Variants in SMAD3 observed in about 807,000 individuals in gnomAD.
The protein encoded by SMAD3 is MAD homolog 3.
A neutral mutation model predicts 51.8 loss-of-function variants in SMAD3; 12 were observed. That is an observed-to-expected ratio of 0.23 (90% CI 0.15 to 0.38). The LOEUF (loss-of-function observed/expected upper bound fraction) is 0.38. Ranked by LOEUF, SMAD3 falls within the 10% of genes least tolerant of loss-of-function variation. SMAD3 has a pLI of 1.00. For synonymous variants in SMAD3, 238 were observed against 227.7 expected (o/e 1.05, Z -0.41); for missense variants, 294 against 565.6 (o/e 0.52, Z 4.87).
At chr15:67,086,739 G>A (rs917209397) in intron 1 of SMAD3, among the ~76,000 whole-genome samples, 15 of 152,198 alleles carry the variant, frequency 9.9e-5, no homozygotes, top group Admixed American at 2.0e-4. Context: ...ATAGTGTCAC[G>A]TGATAGCAGT....
At chr15:67,100,518 C>T (rs1960729016) in intron 1 of SMAD3, among the ~76,000 whole-genome samples, 1 of 151,734 alleles carries the variant, frequency 6.6e-6, no homozygotes, top group African/African-American at 2.4e-5. Context: ...TAGATTTTTG[C>T]TGCATGTATT....
At chr15:67,137,824 TG>T (rs937838870) in intron 1 of SMAD3, among the ~76,000 whole-genome samples, 43 of 152,336 alleles carry the variant, frequency 2.8e-4, no homozygotes, top group African/African-American at 1.0e-3. Flanking sequence ...CAAAATGTCT[TG>T]GTGCTTTCTT....
intron 1 of SMAD3, among the ~76,000 whole-genome samples, chr15:67,113,216 A>G (rs1961061181): frequency 8.0e-6 from 1 of 125,552 alleles, no homozygotes; most frequent in Non-Finnish European, 1.6e-5. Context: ...CCTCCCGAGT[A>G]GCTGGGACTA....
chr15:67,161,224 C>T lies in SMAD3; in HGVS notation c.207-3671C>T, dbSNP rs1364226761. On this transcript the variant is annotated intron_variant, in intron 1 of 8. Transcript: ENST00000327367. Reference sequence around the variant, plus strand: ...ATTGTCTTTGGACCTTTGTTGAAGCCAGTCGTCCATATATATGTAACTATT... The same window carrying T: ...ATTGTCTTTGGACCTTTGTTGAAGCTAGTCGTCCATATATATGTAACTATT... Among the ~76,000 whole-genome samples the T allele has an allele frequency of 3.9e-5, 6 of 152,164 alleles. 1 individual carries two copies. The East Asian group carries it at 1.2e-3, about 29-fold the overall frequency.
chr15:67,151,322 T>TTTTA (rs143155300), intron 1 of SMAD3, among the ~76,000 whole-genome samples: 45,854 of 149,574 alleles, frequency 0.31, 7,327 homozygotes, highest in African/African-American at 0.39. Flanking sequence ...CCATTTTCCC[T>TTTTA]TTTATTTATT....
At chr15:67,181,527 AAC>A (rs1173911681) in intron 6 of SMAD3, 74 bp downstream of exon 6, 12 of 1,176,026 alleles carry the variant, frequency 1.0e-5, no homozygotes, top group African/African-American at 3.7e-5. Flanking sequence ...CCCAGGCCTG[AAC>A]ACACAGCCTC....
At chr15:67,120,785 G>A (rs892474067) in intron 1 of SMAD3, among the ~76,000 whole-genome samples, 3 of 152,216 alleles carry the variant, frequency 2.0e-5, no homozygotes, top group South Asian at 2.1e-4. Context: ...CCCGTGGGCC[G>A]CATGTAGCCC....
At chr15:67,120,300 G>T (rs115471083) in intron 1 of SMAD3, among the ~76,000 whole-genome samples, 1 of 152,216 alleles carries the variant, frequency 6.6e-6, no homozygotes, top group Non-Finnish European at 1.5e-5. Context: ...ATAAGAGCCT[G>T]TGGCAGCTCA....
intron 1 of SMAD3, among the ~76,000 whole-genome samples, chr15:67,112,584 A>G (rs1444256578): frequency 1.5e-5 from 2 of 133,428 alleles, no homozygotes; most frequent in Non-Finnish European, 3.1e-5. Context: ...ATTTCTTTCA[A>G]TTCTGTGGGT....
intron 1 of SMAD3, chr15:67,137,867 T>A: frequency 1.7e-6 from 1 of 598,874 alleles, no homozygotes. Flanking sequence ...CAAAGTACTG[T>A]CCTCCCTTTG....
chr15:67,148,478 C>T (rs1962038845), intron 1 of SMAD3, among the ~76,000 whole-genome samples: 1 of 152,232 alleles, frequency 6.6e-6, no homozygotes, highest in African/African-American at 2.4e-5. Flanking sequence ...TGCCTACAAC[C>T]TTAGCCACAG....
chr15:67,190,452 G>T lies in SMAD3; in HGVS notation c.1194G>T (p.Leu398=), dbSNP rs539999192. Residue 398 remains leucine, a synonymous_variant, in exon 9 of 9, where the codon CTG becomes CTT. Coordinates refer to ENST00000327367, the MANE Select transcript of SMAD3 (RefSeq NM_005902.4). ...CCAGTACCCCCTGCTGGATTGAGCT[G>T]CACCTGAATGGGCCTTTGCAGTGGC... ...TVTSTPCWIE[L]HLNGPLQWLD... is the part of the protein sequence containing the mutation. The T allele has an allele frequency of 6.2e-7, 1 of 1,613,972 alleles. No homozygotes were observed. The highest frequency in any genetic ancestry group is 2.2e-5 in the East Asian group (1 of 44,860).
chr15:67,187,610 C>T (rs548144398), intron 8 of SMAD3, 101 bp downstream of exon 8: 30 of 1,449,826 alleles, frequency 2.1e-5, no homozygotes, highest in South Asian at 1.5e-4. Flanking sequence ...CCAGCCCTAG[C>T]GTCAAGAGCA....
At chr15:67,079,070 C>T (rs1037808002) in intron 1 of SMAD3, among the ~76,000 whole-genome samples, 3 of 151,898 alleles carry the variant, frequency 2.0e-5, no homozygotes, top group Admixed American at 6.6e-5. Flanking sequence ...CCTCTGCTTC[C>T]CGGATTCAGG....
intron 1 of SMAD3, among the ~76,000 whole-genome samples, chr15:67,107,965 T>TCCCCCCCCCCCCCCCCCCCCCC (rs138958033): frequency 1.6e-4 from 20 of 124,704 alleles, no homozygotes; most frequent in Admixed American, 9.1e-4. Context: ...TGCTCTCCTC[T>TCCCCCCCCCCCCCCCCCCCCCC]CCCCCCCACC....
chr15:67,194,529 T>C lies in SMAD3; in HGVS notation c.*3993T>C, dbSNP rs1963452807. 1 of 232,240 alleles carries C rather than the reference T, an allele frequency of 4.3e-6. No individual in the cohort carries two copies. Among genetic ancestry groups the C allele is most frequent in the Non-Finnish European group, 8.5e-6 (1 of 117,780 alleles). The allele number at this position is 232,240 out of a possible 1,614,324, so 14.4% of individuals were successfully genotyped here. ...TTTAATGCAGAAGTAATGTATACTC[T>C]AGTATTCTGGTGTTTTTATATTTAT... On this transcript the variant is annotated 3_prime_UTR_variant, in exon 9 of 9. Transcript: ENST00000327367.
At chr15:67,137,725 A>G (rs1213103726) in intron 1 of SMAD3, among the ~76,000 whole-genome samples, 2 of 152,168 alleles carry the variant, frequency 1.3e-5, no homozygotes, top group East Asian at 3.8e-4. Flanking sequence ...TTTGTTGATC[A>G]CCAGCTTTGT....
In SMAD3 at chr15:67,112,154, CTTT is replaced by C. The variant is rs753530213; in HGVS notation, c.206+45804_206+45806del. Among the ~76,000 whole-genome samples the C allele has an allele frequency of 4.4e-5, 4 of 90,410 alleles. No homozygotes were observed. The East Asian group carries it at 1.3e-3, about 30-fold the overall frequency. 59.3% of individuals were successfully genotyped at this position (90,410 alleles called of 152,430 possible). A position where few individuals can be genotyped will look rare whatever the true frequency, so the allele number is the denominator to read the frequency against. On this transcript the variant is annotated intron_variant, in intron 1 of 8. Coordinates refer to ENST00000327367, the MANE Select transcript of SMAD3 (RefSeq NM_005902.4). ...TTAGCCATTTCTTTTTTTTTCTTTCCTTTTTTTTTTTTGAGACAGAGTTTTGCT... is the reference window on the plus strand; with the variant it reads ...TTAGCCATTTCTTTTTTTTTCTTTCCTTTTTTTTTGAGACAGAGTTTTGCT...
At chr15:67,149,167 C>T (rs2140274706) in intron 1 of SMAD3, among the ~76,000 whole-genome samples, 1 of 152,348 alleles carries the variant, frequency 6.6e-6, no homozygotes, top group South Asian at 2.1e-4. Context: ...TCTGTCCCCA[C>T]CTGCACCTCA....
Sources: gnomAD v4.1 joint callset for allele counts (sites outside exome capture counted in the v4.1 genomes callset) on GRCh38, gnomAD v4.1.1 for gene constraint, MANE v1.5 for transcripts, NCBI Gene and HGNC (gene_info 2026-07-23, HGNC 2026-07-21) for gene names.